Variants in WWOX observed in about 807,000 individuals in gnomAD.
WWOX encodes WW domain-containing oxidoreductase.
Under a neutral mutation model 46.2 loss-of-function variants are expected in WWOX, and 69 were observed. The ratio of observed to expected loss-of-function variants is 1.49; its 90% confidence interval spans 1.23 to 1.82. The LOEUF (loss-of-function observed/expected upper bound fraction) is 1.82. Among genes scored for constraint, WWOX ranks in the 40% most tolerant of loss-of-function variants. WWOX has a pLI of 0.00. For synonymous variants in WWOX, 359 were observed against 202.6 expected (o/e 1.77, Z -6.56); for missense variants, 919 against 542.6 (o/e 1.69, Z -6.89).
intron 8 of WWOX, among the ~76,000 whole-genome samples, chr16:78,562,109 A>G (rs1294285766): frequency 6.6e-6 from 1 of 152,172 alleles, no homozygotes; most frequent in African/African-American, 2.4e-5. Flanking sequence ...TCTCAGATAG[A>G]GTTATCCAAA....
chr16:79,144,669 A>C (rs978181247), intron 8 of WWOX, among the ~76,000 whole-genome samples: 1 of 152,164 alleles, frequency 6.6e-6, no homozygotes, highest in Non-Finnish European at 1.5e-5. Flanking sequence ...GTTCGTTCAT[A>C]TCTCTCTTAG....
chr16:78,886,780 T>C (rs1252150822), intron 8 of WWOX, among the ~76,000 whole-genome samples: 1 of 151,894 alleles, frequency 6.6e-6, no homozygotes, highest in African/African-American at 2.4e-5. Context: ...GGCTATGAAA[T>C]TCTGGTTCCA....
chr16:78,487,815 C>A (rs956458253), intron 8 of WWOX, among the ~76,000 whole-genome samples: 1 of 152,116 alleles, frequency 6.6e-6, no homozygotes, highest in Non-Finnish European at 1.5e-5. Flanking sequence ...TTGTTTTTAG[C>A]CCTCCTTTTC....
intron 5 of WWOX, among the ~76,000 whole-genome samples, chr16:78,202,977 T>G (rs1399038061): frequency 6.6e-6 from 1 of 152,198 alleles, no homozygotes. Context: ...TAGTACCAGT[T>G]CCTGCACAGG....
chr16:78,583,812 G>C (rs886580359), intron 8 of WWOX, among the ~76,000 whole-genome samples: 13 of 152,208 alleles, frequency 8.5e-5, no homozygotes, highest in Admixed American at 2.6e-4. Flanking sequence ...CTTTCTGAAA[G>C]AGTCCACTGC....
rs138599923 is a variant in WWOX, at chr16:78,306,669, C to T, written c.517-80191C>T. 5.3e-3 allele frequency among the ~76,000 whole-genome samples: 803 copies of T among 152,142 alleles called. 10 individuals are homozygous for T. The highest frequency in any genetic ancestry group is 0.018 in the African/African-American group (757 of 41,494). ...CCACAATTCCCACCCCATGCCTTCC[C>T]CAAATTCCTGATGAGCCCTATGCCT... On this transcript the variant is annotated intron_variant, in intron 5 of 8. Coordinates refer to ENST00000566780, the MANE Select transcript of WWOX (RefSeq NM_016373.4).
chr16:78,761,011 A>G (rs956476802), intron 8 of WWOX, among the ~76,000 whole-genome samples: 1 of 152,150 alleles, frequency 6.6e-6, no homozygotes, highest in Non-Finnish European at 1.5e-5. Flanking sequence ...AGCACAGGAA[A>G]GACCCTCCCC....
At chr16:78,369,539 G>A (rs916919381) in intron 5 of WWOX, among the ~76,000 whole-genome samples, 3 of 152,140 alleles carry the variant, frequency 2.0e-5, no homozygotes, top group Non-Finnish European at 2.9e-5. Flanking sequence ...CTCGGCCTGC[G>A]CTGGCCACAC....
At chr16:79,037,741 C>A (rs1002987570) in intron 8 of WWOX, among the ~76,000 whole-genome samples, 1 of 152,132 alleles carries the variant, frequency 6.6e-6, no homozygotes, top group African/African-American at 2.4e-5. Context: ...GTTTTGTTTG[C>A]ATTTCTGGTG....
intron 8 of WWOX, among the ~76,000 whole-genome samples, chr16:78,462,540 C>T (rs1472079211): frequency 1.3e-5 from 2 of 152,168 alleles, no homozygotes; most frequent in Non-Finnish European, 2.9e-5. Context: ...AATGCCTTAC[C>T]TCTTCAGTGT....
chr16:79,176,616 C>G (rs367797411), intron 8 of WWOX, among the ~76,000 whole-genome samples: 2 of 152,150 alleles, frequency 1.3e-5, no homozygotes, highest in African/African-American at 4.8e-5. Flanking sequence ...AAACTGATGT[C>G]TGTGTGTCTT....
At chr16:78,382,654 T>C (rs992141135) in intron 5 of WWOX, among the ~76,000 whole-genome samples, 5 of 152,198 alleles carry the variant, frequency 3.3e-5, no homozygotes, top group African/African-American at 1.2e-4. Flanking sequence ...AGGCCTGAAC[T>C]TTTCATGTTC....
chr16:78,606,075 G>C (rs1390177271), intron 8 of WWOX, among the ~76,000 whole-genome samples: 2 of 152,164 alleles, frequency 1.3e-5, no homozygotes, highest in Non-Finnish European at 2.9e-5. Flanking sequence ...CCAAATTAAA[G>C]ACACTGTTCA....
At chr16:78,559,103 T>C (rs1175045261) in intron 8 of WWOX, among the ~76,000 whole-genome samples, 3 of 152,044 alleles carry the variant, frequency 2.0e-5, no homozygotes, top group African/African-American at 7.2e-5. Context: ...AGAGGGACAG[T>C]AGTGGGGAAG....
At chr16:78,533,949 G>T (rs1480180217) in intron 8 of WWOX, among the ~76,000 whole-genome samples, 2 of 152,202 alleles carry the variant, frequency 1.3e-5, no homozygotes, top group South Asian at 4.1e-4. Context: ...CAGATACAGA[G>T]TAGTAACCCT....
chr16:78,733,987 G>C (rs926805253), intron 8 of WWOX, among the ~76,000 whole-genome samples: 1 of 151,972 alleles, frequency 6.6e-6, no homozygotes, highest in South Asian at 2.1e-4. Flanking sequence ...CTGCACCCAG[G>C]TAGCCGAGGC....
At chr16:78,119,741 C>G (rs1459554328) in intron 4 of WWOX, among the ~76,000 whole-genome samples, 4 of 151,878 alleles carry the variant, frequency 2.6e-5, no homozygotes, top group Admixed American at 2.6e-4. Context: ...ACTGAGATTA[C>G]TGGTGTGAGC....
At chr16:78,575,699 A>C (rs1310243012) in intron 8 of WWOX, among the ~76,000 whole-genome samples, 3 of 152,180 alleles carry the variant, frequency 2.0e-5, no homozygotes, top group African/African-American at 4.8e-5. Context: ...TCCTAAAGCC[A>C]CGATTTGGTC....
chr16:78,741,939 G>A (rs894397708), intron 8 of WWOX, among the ~76,000 whole-genome samples: 2 of 152,118 alleles, frequency 1.3e-5, no homozygotes, highest in South Asian at 2.1e-4. Context: ...TTTAGCAAAA[G>A]GATGTTCCAC....
Sources: allele counts gnomAD v4.1 joint callset (sites outside exome capture counted in the v4.1 genomes callset), GRCh38; gene constraint gnomAD v4.1.1; transcripts MANE v1.5; gene names NCBI Gene and HGNC (gene_info 2026-07-23, HGNC 2026-07-21).